Variants in SDC3 observed in about 807,000 individuals in gnomAD.
SDC3 encodes syndecan 3.
Under a neutral mutation model 24.4 loss-of-function variants are expected in SDC3, and 13 were observed. That is an observed-to-expected ratio of 0.53 (90% CI 0.35 to 0.85). The LOEUF is 0.85. Ranked by LOEUF, SDC3 falls within the 40% of genes least tolerant of loss-of-function variation. SDC3 has a pLI of 0.01. For synonymous variants in SDC3, 295 were observed against 260.9 expected (o/e 1.13, Z -1.26); for missense variants, 571 against 584.5 (o/e 0.98, Z 0.24).
In SDC3 at chr1:30,870,801, A is replaced by G. The variant is rs1639520145; in HGVS notation, c.*2410T>C. 6.6e-6 allele frequency: 1 copy of G among 152,274 alleles called. No homozygotes were observed. The highest frequency in any genetic ancestry group is 1.5e-5 in the Non-Finnish European group (1 of 68,128). The allele number at this position is 152,274 out of a possible 1,614,324, so 9.4% of individuals were successfully genotyped here. ...CCAGCCCTACTGAGAAACTGCACCC[A>G]CTGTTGGGTCTCCCACCTGGGGTCC... On this transcript the variant is annotated 3_prime_UTR_variant, in exon 5 of 5. Transcript: ENST00000339394.
chr1:30,895,921 G>T (rs1263086296), intron 1 of SDC3, among the ~76,000 whole-genome samples: 3 of 152,054 alleles, frequency 2.0e-5, no homozygotes, highest in Non-Finnish European at 4.4e-5. Flanking sequence ...AGAGGAGGGA[G>T]GTTGGAGAGG....
At position 30,871,265 on chromosome 1, in the gene SDC3, T is replaced by C. The variant is rs1639529608; in HGVS notation, c.*1946A>G. ...GGGCATCTTGAAAAGGGCCCTGAAA[T>C]AAAACCTGCCTTCCTGACTTGAATC... On this transcript the variant is annotated 3_prime_UTR_variant, in exon 5 of 5. Transcript: ENST00000339394. The C allele has an allele frequency of 6.6e-6, 1 of 152,192 alleles. No homozygotes were observed. The highest frequency in any genetic ancestry group is 6.5e-5 in the Admixed American group (1 of 15,280). 9.4% of individuals were successfully genotyped at this position (152,192 alleles called of 1,614,324 possible). A position where few individuals can be genotyped will look rare whatever the true frequency, so the allele number is the denominator to read the frequency against.
At chr1:30,887,180 C>A (rs1639841265) in intron 1 of SDC3, among the ~76,000 whole-genome samples, 1 of 152,048 alleles carries the variant, frequency 6.6e-6, no homozygotes, top group Non-Finnish European at 1.5e-5. Context: ...AGGTAGGCAC[C>A]CCCTGCCCCC....
rs1490632412 is a variant in SDC3 at position 30,871,373 on chromosome 1, GC to G, written c.*1837del. 6.6e-6 allele frequency: 1 copy of G among 152,266 alleles called. No homozygotes were observed. Among genetic ancestry groups the G allele is most frequent in the Non-Finnish European group, 1.5e-5 (1 of 68,064 alleles). 9.4% of individuals were successfully genotyped at this position (152,266 alleles called of 1,614,324 possible). ...TCCCTTTGGCTCCAAGAGGCCCCCT[GC>G]CAAGCACACCCTCCCCAAAAGATCT... is the stretch of plus-strand genomic sequence containing the variant. On this transcript the variant is annotated 3_prime_UTR_variant, in exon 5 of 5. Transcript: ENST00000339394.
chr1:30,908,209 G>T (rs1638567294), intron 1 of SDC3, among the ~76,000 whole-genome samples: 1 of 151,536 alleles, frequency 6.6e-6, no homozygotes, highest in Non-Finnish European at 1.5e-5. Flanking sequence ...GATGACCAGC[G>T]GCGGGGGCGG....
At chr1:30,875,243 G>T (rs1390995200) in intron 3 of SDC3, among the ~76,000 whole-genome samples, 1 of 152,238 alleles carries the variant, frequency 6.6e-6, no homozygotes, top group Admixed American at 6.5e-5. Flanking sequence ...AGGTGGGCAT[G>T]GAAAGGCAGG....
At chr1:30,875,222 C>T (rs944735750) in intron 3 of SDC3, among the ~76,000 whole-genome samples, 3 of 152,182 alleles carry the variant, frequency 2.0e-5, no homozygotes, top group Admixed American at 6.5e-5. Context: ...GCAGGGATGT[C>T]GCTACTTCAA....
upstream of SDC3, among the ~76,000 whole-genome samples, chr1:30,909,207 C>A (rs1045874016): frequency 2.0e-5 from 3 of 152,204 alleles, no homozygotes; most frequent in Non-Finnish European, 4.4e-5. Flanking sequence ...GCCAGTCCAC[C>A]CAGTGGGCCA....
At position 30,894,365 on chromosome 1, in the gene SDC3, T is replaced by A. The variant is rs202087372; in HGVS notation, c.138+14084A>T. Among the ~76,000 whole-genome samples the A allele has an allele frequency of 4.7e-3, 275 of 58,634 alleles. 1 individual carries two copies. Among genetic ancestry groups the A allele is most frequent in the South Asian group, 0.017 (28 of 1,642 alleles). The allele number at this position is 58,634 out of a possible 152,430, so 38.5% of individuals were successfully genotyped here. The stretch of plus-strand genomic sequence containing the variant: ...GGGTGTGTGGATGAGTGTGTGTGAG[T>A]GTGTGTGTGGGTGAGAGTGTGAGTG... On this transcript the variant is annotated intron_variant, in intron 1 of 4. Coordinates refer to ENST00000339394, the MANE Select transcript of SDC3 (RefSeq NM_014654.4).
At chr1:30,900,788 G>T (rs558147474) in intron 1 of SDC3, among the ~76,000 whole-genome samples, 1 of 152,230 alleles carries the variant, frequency 6.6e-6, no homozygotes, top group South Asian at 2.1e-4. Flanking sequence ...CCTCATTAAA[G>T]TCTGGGCTGG....
chr1:30,894,384 G>A (rs1452846820), intron 1 of SDC3, among the ~76,000 whole-genome samples: 1 of 136,642 alleles, frequency 7.3e-6, no homozygotes, highest in African/African-American at 2.8e-5. Flanking sequence ...GGGTGAGAGT[G>A]TGAGTGTGTG....
chr1:30,873,220 G>A lies in SDC3; in HGVS notation c.1320C>T (p.Phe440=). The A allele has an allele frequency of 6.2e-7, 1 of 1,613,160 alleles. No homozygotes were observed. ...TYQKPDKQEE[F]YA is the part of the protein sequence containing the mutation. ...AGGCACTGTGGCTCCACTAGGCATAGAACTCCTCCTGCTTGTCAGGCTTCT... is the reference window on the plus strand; with the variant it reads ...AGGCACTGTGGCTCCACTAGGCATAAAACTCCTCCTGCTTGTCAGGCTTCT... Residue 440 remains phenylalanine (F), a synonymous_variant, in exon 5 of 5, where the codon TTC becomes TTT. Coordinates refer to ENST00000339394, the MANE Select transcript of SDC3 (RefSeq NM_014654.4).
chr1:30,874,165 C>T lies in SDC3; in HGVS notation c.1162+132G>A, dbSNP rs559766836. ...CCTGGGGGGTTGAGTTCTCAAGTTT[C>T]CTTCCTATCTGGCTCCTAGGAAACC... is the stretch of plus-strand genomic sequence containing the variant. On this transcript the variant is annotated intron_variant, in intron 4 of 4. Transcript: ENST00000339394. 24 of 709,256 alleles carry T rather than the reference C, an allele frequency of 3.4e-5. No individual in the cohort carries two copies. The South Asian group carries it at 3.9e-4, about 11-fold the overall frequency. The allele number at this position is 709,256 out of a possible 1,614,324, so 43.9% of individuals were successfully genotyped here.
chr1:30,883,397 C>T (rs1275019737), intron 1 of SDC3, among the ~76,000 whole-genome samples: 2 of 152,200 alleles, frequency 1.3e-5, no homozygotes, highest in African/African-American at 2.4e-5. Context: ...CCTCACTTTC[C>T]TGGTGACCAG....
At chr1:30,907,717 G>C (rs1227295700) in intron 1 of SDC3, among the ~76,000 whole-genome samples, 1 of 151,938 alleles carries the variant, frequency 6.6e-6, no homozygotes, top group African/African-American at 2.4e-5. Context: ...ACGCCCCACA[G>C]GTCCCCGCAC....
At chr1:30,902,302 G>A (rs1448818076) in intron 1 of SDC3, among the ~76,000 whole-genome samples, 1 of 152,222 alleles carries the variant, frequency 6.6e-6, no homozygotes, top group African/African-American at 2.4e-5. Flanking sequence ...GGCTCCCCCT[G>A]TAATCACGGC....
At chr1:30,884,050 T>C (rs952676000) in intron 1 of SDC3, among the ~76,000 whole-genome samples, 10 of 151,910 alleles carry the variant, frequency 6.6e-5, no homozygotes, top group South Asian at 2.1e-4. Context: ...GGCTGCACAA[T>C]TGGGAGCCGG....
chr1:30,894,718 A>AGT (rs777036847), intron 1 of SDC3, among the ~76,000 whole-genome samples: 3 of 145,456 alleles, frequency 2.1e-5, no homozygotes, highest in African/African-American at 5.1e-5. Flanking sequence ...GTGTGTGGGG[A>AGT]GTGTGTGTGT....
intron 1 of SDC3, among the ~76,000 whole-genome samples, chr1:30,901,264 T>C (rs768498009): frequency 8.5e-5 from 13 of 152,160 alleles, no homozygotes; most frequent in Admixed American, 2.6e-4. Flanking sequence ...CCATCAGCTG[T>C]GGGATGTCAG....
Sources: gnomAD v4.1 joint callset for allele counts (sites outside exome capture counted in the v4.1 genomes callset) on GRCh38, gnomAD v4.1.1 for gene constraint, MANE v1.5 for transcripts, NCBI Gene and HGNC (gene_info 2026-07-23, HGNC 2026-07-21) for gene names.